BRAF: variants seen among roughly 807,000 people sequenced by gnomAD.
BRAF encodes the protein B-Raf proto-oncogene, serine/threonine kinase.
Under a neutral mutation model 104.6 loss-of-function variants are expected in BRAF, and 16 were observed. That is an observed-to-expected ratio of 0.15 (90% CI 0.10 to 0.23). BRAF has a LOEUF of 0.23. BRAF is among the 10% of genes least tolerant of loss of function. BRAF has a pLI of 1.00. For missense variants in BRAF, 541 were observed against 937.3 expected, an observed-to-expected ratio of 0.58 and a Z score of 5.52; for synonymous variants, 310 against 341.6, an observed-to-expected ratio of 0.91 and a Z score of 1.02.
chr7:140,833,876 T>C lies in BRAF; in HGVS notation c.504+733A>G, dbSNP rs528498939. On this transcript the variant is annotated intron_variant, in intron 3 of 19. Transcript: ENST00000644969. Reference sequence around the variant, plus strand: ...ATGCCTCTATAATAACATTTTTTTTTCAAGTCAGAAAGGAATTTTTGGAAC... The same window carrying C: ...ATGCCTCTATAATAACATTTTTTTTCCAAGTCAGAAAGGAATTTTTGGAAC... 3 of 152,298 alleles carry C rather than the reference T, an allele frequency of 2.0e-5. No individual in the cohort carries two copies. In the East Asian group the frequency reaches 5.8e-4, roughly 29 times the overall value. The allele number at this position is 152,298 out of a possible 1,614,324, so 9.4% of individuals were successfully genotyped here.
intron 16 of BRAF, among the ~76,000 whole-genome samples, chr7:140,751,756 GTTTAT>G (rs1797809849): frequency 6.6e-6 from 1 of 152,076 alleles, no homozygotes; most frequent in Non-Finnish European, 1.5e-5. Context: ...TTAACTCTAG[GTTTAT>G]TTTGACAAAC....
intron 2 of BRAF, 55 bp downstream of exon 2, chr7:140,850,056 A>G (rs1808991453): frequency 2.3e-6 from 3 of 1,283,768 alleles, no homozygotes; most frequent in South Asian, 1.2e-5. Context: ...AAATGTTTTT[A>G]TAAGTTCATT....
intron 1 of BRAF, among the ~76,000 whole-genome samples, chr7:140,869,271 T>C (rs1031618290): frequency 3.9e-5 from 6 of 152,148 alleles, no homozygotes; most frequent in Non-Finnish European, 5.9e-5. Context: ...AAGAGACACC[T>C]TTCCCCCATC....
intron 8 of BRAF, among the ~76,000 whole-genome samples, chr7:140,788,884 C>T (rs987689205): frequency 4.6e-5 from 7 of 151,810 alleles, no homozygotes; most frequent in East Asian, 3.9e-4. Flanking sequence ...CCGCCGCAAC[C>T]GGCCACTAAA....
chr7:140,864,081 C>T (rs931395921), intron 1 of BRAF, among the ~76,000 whole-genome samples: 1 of 152,118 alleles, frequency 6.6e-6, no homozygotes, highest in Non-Finnish European at 1.5e-5. Flanking sequence ...CTAATTATCA[C>T]TCTAGTGAAG....
chr7:140,721,650 G>T lies in BRAF; in HGVS notation c.*4844C>A. 6.5e-7 allele frequency: 1 copy of T among 1,534,932 alleles called. No homozygotes were observed. On this transcript the variant is annotated 3_prime_UTR_variant, in exon 20 of 20. Coordinates refer to ENST00000644969, the MANE Select transcript of BRAF (RefSeq NM_001374258.1). ...GCAGAGATGCTACTACCCTCTTCTG[G>T]GGCTCAACTACCGATGGGCATCAGT...
chr7:140,774,163 T>C (rs1800112193), intron 14 of BRAF, among the ~76,000 whole-genome samples: 1 of 152,202 alleles, frequency 6.6e-6, no homozygotes, highest in Non-Finnish European at 1.5e-5. Context: ...TACTAAAAAG[T>C]ATACTCTGCT....
At chr7:140,895,000 G>C (rs959588513) in intron 1 of BRAF, among the ~76,000 whole-genome samples, 1 of 152,118 alleles carries the variant, frequency 6.6e-6, no homozygotes, top group African/African-American at 2.4e-5. Flanking sequence ...ATCAGCTCTT[G>C]ATACCAAAAC....
chr7:140,730,143 A>G (rs1795854326), intron 19 of BRAF, among the ~76,000 whole-genome samples: 1 of 152,044 alleles, frequency 6.6e-6, no homozygotes, highest in Non-Finnish European at 1.5e-5. Flanking sequence ...ATCTTTTCTT[A>G]ATGATTCCTT....
At chr7:140,897,605 C>T (rs1224540955) in intron 1 of BRAF, among the ~76,000 whole-genome samples, 3 of 149,676 alleles carry the variant, frequency 2.0e-5, no homozygotes, top group Non-Finnish European at 4.4e-5. Context: ...AGCAATTCTC[C>T]TGCCTCAGGC....
intron 5 of BRAF, among the ~76,000 whole-genome samples, chr7:140,806,303 T>C: frequency 6.6e-6 from 1 of 152,336 alleles, no homozygotes; most frequent in East Asian, 1.9e-4. Context: ...ACTTTATACA[T>C]ATATAGTAAT....
intron 16 of BRAF, among the ~76,000 whole-genome samples, chr7:140,751,835 GC>G (rs1797815248): frequency 1.3e-5 from 2 of 152,138 alleles, no homozygotes; most frequent in African/African-American, 4.8e-5. Flanking sequence ...GGCTTTGAAA[GC>G]CCTTACAACT....
At chr7:140,751,406 T>A (rs184083642) in intron 16 of BRAF, among the ~76,000 whole-genome samples, 1 of 152,314 alleles carries the variant, frequency 6.6e-6, no homozygotes, top group East Asian at 1.9e-4. Flanking sequence ...TACACTGCCA[T>A]CTTTTTCACA....
intron 14 of BRAF, among the ~76,000 whole-genome samples, chr7:140,757,470 A>G (rs1333685862): frequency 6.6e-6 from 1 of 151,788 alleles, no homozygotes; most frequent in African/African-American, 2.4e-5. Context: ...TTGTGTTTTT[A>G]GTAGAGATGG....
intron 1 of BRAF, among the ~76,000 whole-genome samples, chr7:140,870,382 T>C (rs1811441885): frequency 1.3e-5 from 2 of 152,198 alleles, no homozygotes. Flanking sequence ...ATTTCAAAAA[T>C]ATTCTTAAAA....
At chr7:140,875,034 G>T (rs1282106957) in intron 1 of BRAF, among the ~76,000 whole-genome samples, 2 of 152,110 alleles carry the variant, frequency 1.3e-5, no homozygotes, top group Non-Finnish European at 2.9e-5. Flanking sequence ...AGCAGAATCT[G>T]CTATGTTTCC....
intron 3 of BRAF, among the ~76,000 whole-genome samples, chr7:140,810,606 C>T (rs899465523): frequency 6.6e-6 from 1 of 152,090 alleles, no homozygotes; most frequent in Non-Finnish European, 1.5e-5. Context: ...TTTACCTACC[C>T]AGCAAGGTAA....
At chr7:140,748,334 TA>T (rs1346465177) in intron 17 of BRAF, among the ~76,000 whole-genome samples, 5 of 152,164 alleles carry the variant, frequency 3.3e-5, no homozygotes, top group African/African-American at 9.6e-5. Flanking sequence ...GCACTGTTTT[TA>T]AAAAAAATCT....
intron 7 of BRAF, 60 bp from the exon 8 acceptor site, chr7:140,794,527 T>C (rs867183033): frequency 6.5e-7 from 1 of 1,549,512 alleles, no homozygotes; most frequent in Non-Finnish European, 8.9e-7. Context: ...GGTAATAATA[T>C]TTAAAAAGGA....
Sources: gnomAD v4.1 joint callset for allele counts (sites outside exome capture counted in the v4.1 genomes callset) on GRCh38, gnomAD v4.1.1 for gene constraint, MANE v1.5 for transcripts, NCBI Gene and HGNC (gene_info 2026-07-23, HGNC 2026-07-21) for gene names.